GRIP1: variants seen among roughly 807,000 people sequenced by gnomAD.
GRIP1 encodes the protein glutamate receptor interacting protein 1, also known as glutamate receptor-interacting protein 1.
A neutral mutation model predicts 129.9 loss-of-function variants in GRIP1; 45 were observed. The ratio of observed to expected loss-of-function variants is 0.35; its 90% CI spans 0.27 to 0.44. The LOEUF is 0.44. Among genes scored for constraint, GRIP1 ranks in the 20% least tolerant of loss-of-function variants. The pLI is 1.00. For missense variants in GRIP1, 1,196 were observed against 1,396.8 expected, an observed-to-expected ratio of 0.86 and a Z score of 2.29; for synonymous variants, 530 against 520.8, an observed-to-expected ratio of 1.02 and a Z score of -0.24.
At chr12:66,661,577 C>T (rs1565949726) in intron 1 of GRIP1, among the ~76,000 whole-genome samples, 1 of 151,796 alleles carries the variant, frequency 6.6e-6, no homozygotes, top group Non-Finnish European at 1.5e-5. Context: ...TTTTTCAAAA[C>T]CTCAGAGGGC....
intron 1 of GRIP1, among the ~76,000 whole-genome samples, chr12:66,880,435 C>A (rs899254577): frequency 1.3e-5 from 2 of 152,208 alleles, no homozygotes; most frequent in East Asian, 3.9e-4. Context: ...ACGTTGAGTT[C>A]ATTGGTCAAC....
intron 14 of GRIP1, among the ~76,000 whole-genome samples, chr12:66,421,698 TTAAC>T (rs1352343998): frequency 6.6e-6 from 1 of 151,270 alleles, no homozygotes; most frequent in African/African-American, 2.4e-5. Context: ...TTGTTGCTAG[TTAAC>T]TAAATTTTTA....
chr12:66,846,841 A>G (rs922287828), intron 1 of GRIP1, among the ~76,000 whole-genome samples: 37 of 152,174 alleles, frequency 2.4e-4, no homozygotes, highest in African/African-American at 8.9e-4. Context: ...AAGAGGGGGG[A>G]CCTGTAGGCA....
chr12:66,563,814 TAAAA>T (rs1177086066), intron 2 of GRIP1: 1 of 151,936 alleles, frequency 6.6e-6, no homozygotes, highest in Non-Finnish European at 1.5e-5. Flanking sequence ...TTGTAAAAAA[TAAAA>T]AAACAAGAAA....
chr12:66,544,527 A>G (rs2061886530), intron 2 of GRIP1, among the ~76,000 whole-genome samples: 1 of 152,208 alleles, frequency 6.6e-6, no homozygotes, highest in African/African-American at 2.4e-5. Context: ...CATCTATTTT[A>G]CAATTTTGTC....
chr12:67,027,418 G>A (rs528283895), intron 1 of GRIP1, among the ~76,000 whole-genome samples: 12 of 152,276 alleles, frequency 7.9e-5, no homozygotes, highest in East Asian at 3.9e-4. Context: ...CTACCAGTCC[G>A]TCCATCCATT....
intron 1 of GRIP1, among the ~76,000 whole-genome samples, chr12:66,939,673 A>G (rs980570506): frequency 1.1e-4 from 17 of 152,208 alleles, no homozygotes; most frequent in African/African-American, 4.1e-4. Flanking sequence ...TCTTTTACTT[A>G]AAAACATTAA....
At chr12:67,017,381 C>T (rs1222128681) in intron 1 of GRIP1, among the ~76,000 whole-genome samples, 1 of 151,732 alleles carries the variant, frequency 6.6e-6, no homozygotes, top group Admixed American at 6.6e-5. Context: ...AAGGTAGTGG[C>T]ATTAGGTTGG....
At chr12:66,405,899 C>T (rs184073587) in intron 16 of GRIP1, among the ~76,000 whole-genome samples, 268 of 152,180 alleles carry the variant, frequency 1.8e-3, no homozygotes, top group Middle Eastern at 6.8e-3. Context: ...GTTTATAAAA[C>T]GATCAAATGT....
At chr12:66,976,565 A>T (rs543514884) in intron 1 of GRIP1, among the ~76,000 whole-genome samples, 8 of 152,310 alleles carry the variant, frequency 5.3e-5, no homozygotes. Flanking sequence ...GAAATGTGAC[A>T]TGTATATCAT....
intron 1 of GRIP1, among the ~76,000 whole-genome samples, chr12:66,712,366 T>C (rs2035738818): frequency 6.6e-6 from 1 of 151,878 alleles, no homozygotes; most frequent in South Asian, 2.1e-4. Flanking sequence ...CAAGTTAGGA[T>C]GTATATATAG....
At chr12:66,491,673 T>C (rs1007264064) in intron 7 of GRIP1, among the ~76,000 whole-genome samples, 3 of 152,198 alleles carry the variant, frequency 2.0e-5, no homozygotes, top group Non-Finnish European at 2.9e-5. Context: ...GGGGGCATAA[T>C]TCTTTGAGGA....
At chr12:66,953,973 T>TA (rs138490762) in intron 1 of GRIP1, among the ~76,000 whole-genome samples, 1,697 of 152,268 alleles carry the variant, frequency 0.011, 33 homozygotes, top group African/African-American at 0.039. Flanking sequence ...CCAAAACTGT[T>TA]AAAAAATATT....
chr12:66,919,071 C>T (rs899613210), intron 1 of GRIP1, among the ~76,000 whole-genome samples: 1 of 152,152 alleles, frequency 6.6e-6, no homozygotes, highest in African/African-American at 2.4e-5. Context: ...TGACTTTCTG[C>T]AGTTTCAGAA....
intron 1 of GRIP1, among the ~76,000 whole-genome samples, chr12:67,003,274 AT>A (rs1265913327): frequency 1.2e-4 from 19 of 152,220 alleles, no homozygotes; most frequent in African/African-American, 4.6e-4. Flanking sequence ...TGCTAAAGGA[AT>A]GGATAAATTG....
intron 1 of GRIP1, among the ~76,000 whole-genome samples, chr12:66,856,875 A>C (rs890238723): frequency 1.3e-5 from 2 of 152,172 alleles, no homozygotes; most frequent in Admixed American, 6.5e-5. Flanking sequence ...ATTACTGGGT[A>C]TATACCCAAA....
intron 1 of GRIP1, among the ~76,000 whole-genome samples, chr12:66,790,501 C>T (rs10878509): frequency 0.31 from 47,699 of 151,960 alleles, 8,119 homozygotes; most frequent in South Asian, 0.4. Context: ...TAAAATTAAA[C>T]ATTTATTAAG....
intron 1 of GRIP1, among the ~76,000 whole-genome samples, chr12:66,778,635 T>A (rs928254538): frequency 3.9e-5 from 6 of 152,056 alleles, no homozygotes; most frequent in African/African-American, 1.4e-4. Context: ...AAAAAAAGAA[T>A]GTAAAGACAC....
chr12:66,393,891 C>A (rs1394709937), intron 17 of GRIP1, among the ~76,000 whole-genome samples: 1 of 152,144 alleles, frequency 6.6e-6, no homozygotes, highest in Non-Finnish European at 1.5e-5. Context: ...ACAAGCTGTT[C>A]AACCTCCCTG....
Sources: allele counts gnomAD v4.1 joint callset (sites outside exome capture counted in the v4.1 genomes callset), GRCh38; gene constraint gnomAD v4.1.1; transcripts MANE v1.5; gene names NCBI Gene and HGNC (gene_info 2026-07-23, HGNC 2026-07-21).